Variants in AKAP13 observed in about 807,000 individuals in gnomAD.
AKAP13 encodes A-kinase anchoring protein 13, also known as A-kinase anchor protein 13.
In AKAP13, 80 loss-of-function variants were observed where a neutral mutation model predicts 264.5. The observed-to-expected ratio is 0.30, with a 90% confidence interval of 0.25 to 0.36. The LOEUF (loss-of-function observed/expected upper bound fraction) is 0.36, where lower values mean the gene tolerates loss of function less well. AKAP13 is among the 10% of genes least tolerant of loss of function. The pLI, the probability that AKAP13 is intolerant of heterozygous loss-of-function variation, is 1.00. For synonymous variants in AKAP13, 1,380 were observed against 1,250.2 expected, an observed-to-expected ratio of 1.10 and a Z score of -2.19; for missense variants, 3,712 against 3,435.2, an observed-to-expected ratio of 1.08 and a Z score of -2.01.
intron 1 of AKAP13, among the ~76,000 whole-genome samples, chr15:85,390,733 A>G (rs1471990979): frequency 6.6e-6 from 1 of 152,214 alleles, no homozygotes; most frequent in Non-Finnish European, 1.5e-5. Flanking sequence ...TTGAATCCAT[A>G]TACGCTGAAA....
intron 5 of AKAP13, among the ~76,000 whole-genome samples, chr15:85,547,425 A>T (rs1186132771): frequency 7.2e-5 from 11 of 152,134 alleles, no homozygotes; most frequent in Non-Finnish European, 1.6e-4. Flanking sequence ...AGCAAGTCTT[A>T]CTTCTGCGAA....
chr15:85,646,622 A>G (rs533757067), intron 10 of AKAP13, among the ~76,000 whole-genome samples: 2 of 152,334 alleles, frequency 1.3e-5, no homozygotes, highest in East Asian at 3.9e-4. Flanking sequence ...ATATGATGTC[A>G]TATTTATAAA....
chr15:85,641,445 CAAATAAATAAATAAATAAATAAAT>C (rs199664618), intron 9 of AKAP13, among the ~76,000 whole-genome samples: 1,929 of 97,400 alleles, frequency 0.02, 69 homozygotes, highest in African/African-American at 0.07. Context: ...GACTCCATCT[CAAATAAATAAATAAATAAATAAAT>C]AAATAAATAA....
intron 1 of AKAP13, among the ~76,000 whole-genome samples, chr15:85,419,980 T>C (rs1294261030): frequency 1.5e-4 from 22 of 143,014 alleles, no homozygotes; most frequent in African/African-American, 4.4e-4. Flanking sequence ...CTCGCTCTGT[T>C]GCCCAGGCTG....
At chr15:85,640,901 A>T (rs2082278387) in intron 9 of AKAP13, among the ~76,000 whole-genome samples, 1 of 152,196 alleles carries the variant, frequency 6.6e-6, no homozygotes, top group Non-Finnish European at 1.5e-5. Flanking sequence ...TCCCCAGGAC[A>T]CAATTTTGAA....
chr15:85,428,149 A>T (rs2072878925), intron 1 of AKAP13, among the ~76,000 whole-genome samples: 2 of 152,204 alleles, frequency 1.3e-5, no homozygotes, highest in African/African-American at 2.4e-5. Context: ...TCCTGTATAA[A>T]GATCACAGTG....
At chr15:85,525,312 C>T (rs2076995898) in intron 3 of AKAP13, among the ~76,000 whole-genome samples, 1 of 152,146 alleles carries the variant, frequency 6.6e-6, no homozygotes, top group South Asian at 2.1e-4. Flanking sequence ...CCTGCCTTGG[C>T]CTCCCAAAGT....
chr15:85,676,202 C>G (rs185517065), intron 14 of AKAP13, among the ~76,000 whole-genome samples: 1 of 152,174 alleles, frequency 6.6e-6, no homozygotes, highest in Non-Finnish European at 1.5e-5. Context: ...TGAGCCACCA[C>G]GCCCAGCCAG....
rs954857512 is a variant in AKAP13 at position 85,380,707 on chromosome 15, C to T, written c.-103C>T. 2 of 152,604 alleles carry T rather than the reference C, an allele frequency of 1.3e-5. No individual in the cohort carries two copies. Among genetic ancestry groups the T allele is most frequent in the Admixed American group, 6.5e-5 (1 of 15,292 alleles). The allele number at this position is 152,604 out of a possible 1,614,324, so 9.5% of individuals were successfully genotyped here. On this transcript the variant is annotated 5_prime_UTR_variant, in exon 1 of 37. Coordinates refer to ENST00000394518, the MANE Select transcript of AKAP13 (RefSeq NM_007200.5). ...CCTCGGTCGCCGCCGCTTTAGCCGC[C>T]TCCGGGGGAGCGGCCGCCTATTGTC...
chr15:85,746,859 C>A lies in AKAP13; in HGVS notation c.*2182C>A, dbSNP rs1011986746. On this transcript the variant is annotated 3_prime_UTR_variant, in exon 37 of 37. Coordinates refer to ENST00000394518, the MANE Select transcript of AKAP13 (RefSeq NM_007200.5). ...ATGTAGGCCGGGTGCCCCTGTTCTC[C>A]GGGTTTGGAACAATACGAGGTTGGT... 6.6e-6 allele frequency: 1 copy of A among 152,152 alleles called. No homozygotes were observed. The highest frequency in any genetic ancestry group is 2.4e-5 in the African/African-American group (1 of 41,432). 9.4% of individuals were successfully genotyped at this position (152,152 alleles called of 1,614,324 possible).
intron 18 of AKAP13, among the ~76,000 whole-genome samples, chr15:85,710,072 G>T (rs752818450): frequency 6.6e-6 from 1 of 152,118 alleles, no homozygotes; most frequent in Non-Finnish European, 1.5e-5. Context: ...ATCTCTCAAA[G>T]TATTTTTGCT....
chr15:85,438,615 C>T (rs2073451942), intron 1 of AKAP13, among the ~76,000 whole-genome samples: 1 of 147,226 alleles, frequency 6.8e-6, no homozygotes, highest in South Asian at 2.2e-4. Flanking sequence ...GGTACCAAAA[C>T]AGAGATATAG....
At chr15:85,716,001 G>GATT in intron 20 of AKAP13, 78 bp downstream of exon 20, 1 of 1,290,814 alleles carries the variant, frequency 7.7e-7, no homozygotes. Context: ...ATGACAAAAA[G>GATT]CTTTTTTTTT....
At chr15:85,567,235 G>A (rs2078637583) in intron 5 of AKAP13, among the ~76,000 whole-genome samples, 1 of 151,982 alleles carries the variant, frequency 6.6e-6, no homozygotes, top group African/African-American at 2.4e-5. Flanking sequence ...AGCCTCCCGA[G>A]TAGCTGGGAC....
chr15:85,485,483 A>G (rs1189033000), intron 1 of AKAP13, among the ~76,000 whole-genome samples: 2 of 152,200 alleles, frequency 1.3e-5, no homozygotes, highest in Admixed American at 6.5e-5. Flanking sequence ...TTATTTTTCA[A>G]TCGGAAGATC....
chr15:85,686,191 A>ATGCGTGTG lies in AKAP13; in HGVS notation c.5289+1320_5289+1321insCGTGTGTG, dbSNP rs1555459328. Among the ~76,000 whole-genome samples the ATGCGTGTG allele has an allele frequency of 5.0e-4, 75 of 151,466 alleles. 1 individual carries two copies. The highest frequency in any genetic ancestry group is 3.4e-3 in the Middle Eastern group (1 of 292). On this transcript the variant is annotated intron_variant, in intron 16 of 36. Transcript: ENST00000394518. Reference sequence around the variant, plus strand: ...TATGTGTGTGTGTGCACGTGCATGCATGTGTGTGTGTGTGTGGTATATACA... The same window carrying ATGCGTGTG: ...TATGTGTGTGTGTGCACGTGCATGCATGCGTGTGTGTGTGTGTGTGTGTGGTATATACA...
intron 17 of AKAP13, among the ~76,000 whole-genome samples, chr15:85,696,868 C>G (rs1478374084): frequency 6.6e-6 from 1 of 152,126 alleles, no homozygotes; most frequent in Non-Finnish European, 1.5e-5. Flanking sequence ...ATAAGAAATG[C>G]TGTTTTAAGA....
At chr15:85,400,800 T>G (rs1468885460) in intron 1 of AKAP13, among the ~76,000 whole-genome samples, 2 of 151,544 alleles carry the variant, frequency 1.3e-5, no homozygotes, top group African/African-American at 2.4e-5. Context: ...TTCAGCCTAT[T>G]TCTGGTTACA....
intron 30 of AKAP13, among the ~76,000 whole-genome samples, chr15:85,733,851 G>GTCA (rs1447291972): frequency 1.5e-5 from 2 of 130,922 alleles, no homozygotes; most frequent in Non-Finnish European, 3.4e-5. Flanking sequence ...CATGTCTTTT[G>GTCA]TCATTTTCTT....
Sources: allele counts gnomAD v4.1 joint callset (sites outside exome capture counted in the v4.1 genomes callset), GRCh38; gene constraint gnomAD v4.1.1; transcripts MANE v1.5; gene names NCBI Gene and HGNC (gene_info 2026-07-23, HGNC 2026-07-21).